Variants in KCNQ2 observed in about 807,000 individuals in gnomAD.
The protein encoded by KCNQ2 is potassium voltage-gated channel subfamily Q member 2, also known as potassium voltage-gated channel subfamily KQT member 2.
KCNQ2 carries 14 observed loss-of-function variants against 84.8 expected under a neutral mutation model. That is an observed-to-expected ratio of 0.17 (90% confidence interval 0.11 to 0.26). The LOEUF is 0.26. Among genes scored for constraint, KCNQ2 ranks in the 10% least tolerant of loss-of-function variants. The pLI, the probability that KCNQ2 is intolerant of heterozygous loss-of-function variation, is 1.00. For synonymous variants in KCNQ2, 599 were observed against 554.1 expected, an observed-to-expected ratio of 1.08 and a Z score of -1.14; for missense variants, 788 against 1,254.0, an observed-to-expected ratio of 0.63 and a Z score of 5.61.
At chr20:63,468,415 GA>G (rs2082133329) in intron 1 of KCNQ2, among the ~76,000 whole-genome samples, 1 of 152,184 alleles carries the variant, frequency 6.6e-6, no homozygotes, top group South Asian at 2.1e-4. Context: ...GAGAGTGTCT[GA>G]ACCCCACCAC....
chr20:63,420,043 C>T lies in KCNQ2; in HGVS notation c.1248-371G>A, dbSNP rs547323049. Among the ~76,000 whole-genome samples, 31 of 152,354 alleles carry T rather than the reference C, an allele frequency of 2.0e-4. No homozygotes were observed. In the South Asian group the frequency reaches 2.1e-3, roughly 10 times the overall value. ...GCCCTGCTTGGGAAGGACGTGACCC[C>T]GGGAAAGGGCGTGGGTGTGAAGCAC... On this transcript the variant is annotated intron_variant, in intron 11 of 16. Transcript: ENST00000359125.
At chr20:63,453,934 G>A (rs1209797724) in intron 1 of KCNQ2, among the ~76,000 whole-genome samples, 4 of 152,208 alleles carry the variant, frequency 2.6e-5, no homozygotes, top group South Asian at 2.1e-4. Flanking sequence ...GCCGCATCCA[G>A]GAAGGCAGCT....
chr20:63,439,781 C>A (rs537984391), intron 5 of KCNQ2, 73 bp from the exon 6 acceptor site: 5 of 1,133,878 alleles, frequency 4.4e-6, no homozygotes, highest in Non-Finnish European at 6.7e-6. Context: ...CGCCCGCTGG[C>A]GACTCGGGGC....
chr20:63,467,410 G>T (rs2082109321), intron 1 of KCNQ2, among the ~76,000 whole-genome samples: 1 of 152,184 alleles, frequency 6.6e-6, no homozygotes, highest in African/African-American at 2.4e-5. Context: ...GGCTAGCCCG[G>T]CTCCTGTGCA....
At chr20:63,419,891 T>G (rs1428957370) in intron 11 of KCNQ2, among the ~76,000 whole-genome samples, 1 of 151,960 alleles carries the variant, frequency 6.6e-6, no homozygotes, top group Non-Finnish European at 1.5e-5. Flanking sequence ...CCCTGTTTTT[T>G]TTTTCCTCCA....
intron 15 of KCNQ2, chr20:63,411,873 C>T: frequency 1.4e-6 from 1 of 712,596 alleles, no homozygotes; most frequent in Non-Finnish European, 2.6e-6. Flanking sequence ...GACCCACAAT[C>T]ATATCTATCC....
rs1601548976 is a variant in KCNQ2 at position 63,408,448 on chromosome 20, TG to T, written c.1851del (p.Ser618AlafsTer2). On this transcript the variant is annotated frameshift_variant, in exon 16 of 17. Transcript: ENST00000359125. LOFTEE classifies it high-confidence loss of function. This position sits in a 1 kb window ranked among gnomAD's most constrained non-coding sequence, Gnocchi z 5.0. The part of the protein sequence containing the change: ...GPAEAELPED[P>X]SMMGRLGKVE... ...ACCTTCCCGAGCCGTCCCATCATGC[TG>T]GGGTCCTCGGGCAGCTCCGCCTCGG... 1.2e-6 allele frequency: 2 copies of T among 1,609,506 alleles called. No homozygotes were observed. Among genetic ancestry groups the T allele is most frequent in the Non-Finnish European group, 8.5e-7 (1 of 1,179,096 alleles).
Position 63,413,592 on chromosome 20 carries a change from GT to G in KCNQ2, c.1632-12del. On this transcript the variant is annotated splice_polypyrimidine_tract_variant and intron_variant, in intron 14 of 16. Coordinates refer to ENST00000359125, the MANE Select transcript of KCNQ2 (RefSeq NM_172107.4). ...AGGAACCGCATGACACTGCAGGGGG[GT>G]GGGTGGGGCTGTGAGCCCTGGGCCA... The G allele has an allele frequency of 6.2e-7, 1 of 1,611,008 alleles. No individual in the cohort carries two copies.
chr20:63,458,290 A>G (rs1293448699), intron 1 of KCNQ2, among the ~76,000 whole-genome samples: 4 of 151,946 alleles, frequency 2.6e-5, no homozygotes, highest in African/African-American at 9.7e-5. Context: ...CAGCCAGCAT[A>G]GGCGAGCCCC....
chr20:63,449,901 G>A (rs1482233651), intron 1 of KCNQ2, among the ~76,000 whole-genome samples: 1 of 152,016 alleles, frequency 6.6e-6, no homozygotes. Context: ...GGTGGTGGCA[G>A]CAATTGGAGC....
intron 4 of KCNQ2, among the ~76,000 whole-genome samples, chr20:63,442,996 C>G (rs1300992020): frequency 8.5e-5 from 6 of 70,476 alleles, no homozygotes; most frequent in Admixed American, 2.9e-4. Flanking sequence ...TTACCATCAC[C>G]ATCACCACCA....
rs1397119952 is a variant in KCNQ2 at position 63,472,292 on chromosome 20, G to A, written c.172C>T (p.Arg58Cys). ...PKRGSILSKP[R>C]AGGAGAGKPP... ...TTCCCGGCGCCCGCGCCGCCCGCGC[G>A]AGGTTTGCTGAGGATGCTGCCGCGC... The change falls in exon 1 of 17, where the codon CGC becomes TGC. Residue 58 changes from arginine (R) to cysteine (C), a missense_variant. By Grantham distance (180) the Arg-to-Cys change is radical. This residue lies in a region of KCNQ2 where 106 missense variants were observed against 214.8 expected (regional missense o/e 0.49). Transcript: ENST00000359125. 2.0e-6 allele frequency: 3 copies of A among 1,538,450 alleles called. No individual in the cohort carries two copies. The highest frequency in any genetic ancestry group is 1.4e-5 in the African/African-American group (1 of 70,896).
intron 12 of KCNQ2, among the ~76,000 whole-genome samples, chr20:63,416,054 C>A (rs1264093683): frequency 6.6e-6 from 1 of 152,202 alleles, no homozygotes; most frequent in African/African-American, 2.4e-5. Context: ...GGCTCCCCTC[C>A]CACCAGGTCC....
intron 4 of KCNQ2, 125 bp from the exon 5 acceptor site, chr20:63,442,656 CCA>C (rs2081203402): frequency 2.0e-5 from 12 of 610,740 alleles, no homozygotes; most frequent in South Asian, 4.6e-5. Context: ...ACCATCACCA[CCA>C]CCATCACCAC....
At chr20:63,466,970 G>A (rs537785780) in intron 1 of KCNQ2, among the ~76,000 whole-genome samples, 1 of 152,364 alleles carries the variant, frequency 6.6e-6, no homozygotes, top group African/African-American at 2.4e-5. Context: ...ACACGCTTGG[G>A]CTCTGTCTGT....
At chr20:63,457,099 C>T (rs1477545319) in intron 1 of KCNQ2, among the ~76,000 whole-genome samples, 2 of 152,258 alleles carry the variant, frequency 1.3e-5, no homozygotes, top group Non-Finnish European at 2.9e-5. Flanking sequence ...AAGTGACGGG[C>T]GCGGGCGCCG....
chr20:63,464,139 T>C (rs1181718969), intron 1 of KCNQ2, among the ~76,000 whole-genome samples: 1 of 151,882 alleles, frequency 6.6e-6, no homozygotes, highest in Non-Finnish European at 1.5e-5. Flanking sequence ...AACATCCTCA[T>C]CCCCAAAGCG....
At position 63,442,349 on chromosome 20, in the gene KCNQ2, C is replaced by G. The variant is rs951212176; in HGVS notation, c.816+57G>C. ...TCAGCCAGTGAGAGCCTGGTCCCAG[C>G]ACAGGGACAGGGGTGTATCAGCAGG... On this transcript the variant is annotated intron_variant, in intron 5 of 16. Transcript: ENST00000359125. The G allele has an allele frequency of 8.7e-6, 14 of 1,612,536 alleles. No homozygotes were observed. The Admixed American group carries it at 2.3e-4, about 27-fold the overall frequency.
At chr20:63,457,934 G>A (rs561501429) in intron 1 of KCNQ2, among the ~76,000 whole-genome samples, 108 of 152,288 alleles carry the variant, frequency 7.1e-4, no homozygotes, top group Non-Finnish European at 1.2e-3. Context: ...GCCTGCTCAC[G>A]GTCCCTGGAG....
Sources: gnomAD v4.1 joint callset for allele counts (sites outside exome capture counted in the v4.1 genomes callset) on GRCh38, gnomAD v4.1.1 for gene constraint, gnomAD v4.1.1 regional missense constraint, Gnocchi (gnomAD v3.1) non-coding constraint, MANE v1.5 for transcripts, NCBI Gene and HGNC (gene_info 2026-07-23, HGNC 2026-07-21) for gene names.